The following C2orf66 variants were observed in gnomAD, a reference collection of about 807,000 sequenced individuals.
C2orf66 encodes the protein uncharacterized protein C2orf66.
Under a neutral mutation model 7.0 loss-of-function variants are expected in C2orf66, and 6 were observed. The ratio of observed to expected loss-of-function variants is 0.86; its 90% CI spans 0.47 to 1.69. The LOEUF (loss-of-function observed/expected upper bound fraction) is 1.69. Ranked by LOEUF, C2orf66 falls within the 40% of genes most tolerant of loss-of-function variation. The pLI, the probability that C2orf66 is intolerant of heterozygous loss-of-function variation, is 0.01. For synonymous variants in C2orf66, 38 were observed against 43.8 expected (o/e 0.87, Z 0.52); for missense variants, 107 against 112.0 (o/e 0.96, Z 0.20).
chr2:196,831,823 A>G, the C2orf66 span, among the ~76,000 whole-genome samples: 1 of 152,050 alleles, frequency 6.6e-6, no homozygotes, highest in African/African-American at 2.4e-5. Context: ...CCCCCTTATA[A>G]GGTTATAACC....
chr2:196,817,804 C>G, the C2orf66 span, among the ~76,000 whole-genome samples: 1 of 152,154 alleles, frequency 6.6e-6, no homozygotes, highest in Non-Finnish European at 1.5e-5. Context: ...GATATCTTCC[C>G]TACTTGCACG....
the C2orf66 span, among the ~76,000 whole-genome samples, chr2:196,828,060 C>T: frequency 5.9e-5 from 9 of 152,082 alleles, no homozygotes; most frequent in African/African-American, 2.2e-4. Flanking sequence ...TTGACTGATA[C>T]CCAATATGAA....
At chr2:196,827,795 G>A in the C2orf66 span, among the ~76,000 whole-genome samples, 2 of 152,080 alleles carry the variant, frequency 1.3e-5, no homozygotes, top group Non-Finnish European at 2.9e-5. Context: ...TTTGTGTTGA[G>A]CATGTGTTAA....
the C2orf66 span, among the ~76,000 whole-genome samples, chr2:196,823,626 C>CAAACAAAACAAAACA: frequency 0.19 from 28,815 of 150,328 alleles, 2,980 homozygotes; most frequent in African/African-American, 0.26. Flanking sequence ...GACCCTGTCT[C>CAAACAAAACAAAACA]AAACAAAACA....
chr2:196,823,515 T>G, the C2orf66 span, among the ~76,000 whole-genome samples: 1 of 151,530 alleles, frequency 6.6e-6, no homozygotes, highest in Non-Finnish European at 1.5e-5. Context: ...TTCCAGTTAC[T>G]TGGGGGGGCT....
At chr2:196,805,592 T>C (rs1480573597) in intron 2 of C2orf66, among the ~76,000 whole-genome samples, 184 bp from the exon 3 acceptor site, 2 of 152,180 alleles carry the variant, frequency 1.3e-5, no homozygotes, top group African/African-American at 4.8e-5. Context: ...TGTTTTTTTT[T>C]TCATAAAAGT....
the C2orf66 span, among the ~76,000 whole-genome samples, chr2:196,831,581 G>A: frequency 6.6e-6 from 1 of 152,158 alleles, no homozygotes; most frequent in Admixed American, 6.5e-5. Flanking sequence ...CCCAGGTTGT[G>A]AGAGACATGC....
chr2:196,831,304 G>T, the C2orf66 span, among the ~76,000 whole-genome samples: 1 of 151,946 alleles, frequency 6.6e-6, no homozygotes, highest in Non-Finnish European at 1.5e-5. Flanking sequence ...CAGAACCTTC[G>T]AAAAGGCCCA....
chr2:196,827,309 T>C, the C2orf66 span, among the ~76,000 whole-genome samples: 3 of 151,636 alleles, frequency 2.0e-5, no homozygotes, highest in South Asian at 2.1e-4. Context: ...AAAAAACTTG[T>C]TGGAACAAAG....
chr2:196,810,867 C>G (rs1426251570), upstream of C2orf66, among the ~76,000 whole-genome samples: 19 of 152,172 alleles, frequency 1.2e-4, no homozygotes, highest in Non-Finnish European at 1.5e-5. Flanking sequence ...ACAGTCCTTG[C>G]CCTCATTAAA....
chr2:196,825,585 A>G, the C2orf66 span, among the ~76,000 whole-genome samples: 2 of 152,222 alleles, frequency 1.3e-5, no homozygotes, highest in African/African-American at 4.8e-5. Context: ...GTCAATTAGT[A>G]TCTCAGTAAA....
chr2:196,810,494 CAT>C (rs67012737), upstream of C2orf66, among the ~76,000 whole-genome samples: 2,182 of 152,270 alleles, frequency 0.014, 43 homozygotes, highest in African/African-American at 0.05. Flanking sequence ...GAAGATAACA[CAT>C]GTTTCATGGA....
chr2:196,807,017 C>T (rs566776496), intron 2 of C2orf66, among the ~76,000 whole-genome samples: 2 of 152,268 alleles, frequency 1.3e-5, no homozygotes, highest in South Asian at 2.1e-4. Context: ...AAGAACCATA[C>T]TTTCAACTTT....
At chr2:196,822,064 G>A in the C2orf66 span, among the ~76,000 whole-genome samples, 1 of 147,294 alleles carries the variant, frequency 6.8e-6, no homozygotes, top group Non-Finnish European at 1.5e-5. Context: ...ACAGGCATGT[G>A]CCACCATGCC....
chr2:196,818,443 G>A, the C2orf66 span, among the ~76,000 whole-genome samples: 1 of 152,128 alleles, frequency 6.6e-6, no homozygotes, highest in Admixed American at 6.6e-5. Context: ...TCCTGCCCCT[G>A]GTCTGTCTTC....
At chr2:196,831,741 C>T in the C2orf66 span, among the ~76,000 whole-genome samples, 179 of 152,272 alleles carry the variant, frequency 1.2e-3, 1 homozygote, top group African/African-American at 3.9e-3. Flanking sequence ...CACACAAGTC[C>T]CTTCCCCAGT....
the C2orf66 span, among the ~76,000 whole-genome samples, chr2:196,817,123 C>CA: frequency 0.023 from 3,551 of 151,268 alleles, 52 homozygotes; most frequent in Middle Eastern, 0.041. Flanking sequence ...AGGACAAGGG[C>CA]AAAATCAGAA....
chr2:196,815,469 T>C, the C2orf66 span, among the ~76,000 whole-genome samples: 1 of 152,198 alleles, frequency 6.6e-6, no homozygotes, highest in Non-Finnish European at 1.5e-5. Flanking sequence ...GTCCAAATTA[T>C]CTAATTTGGT....
At chr2:196,830,021 G>A in the C2orf66 span, among the ~76,000 whole-genome samples, 15 of 152,290 alleles carry the variant, frequency 9.8e-5, no homozygotes, top group African/African-American at 2.6e-4. Flanking sequence ...TAAAAGTTTA[G>A]AAGGTACTCT....
Sources: gnomAD v4.1 joint callset for allele counts (sites outside exome capture counted in the v4.1 genomes callset) on GRCh38, gnomAD v4.1.1 for gene constraint, MANE v1.5 for transcripts, NCBI Gene and HGNC (gene_info 2026-07-23, HGNC 2026-07-21) for gene names.